PCNX3: variants seen among roughly 807,000 people sequenced by gnomAD.
PCNX3 encodes pecanex 3.
In PCNX3, 58 loss-of-function variants were observed where a neutral mutation model predicts 207.2. That is an observed-to-expected ratio of 0.28 (90% CI 0.23 to 0.35). PCNX3 has a LOEUF of 0.35. Ranked by LOEUF, PCNX3 falls within the 10% of genes least tolerant of loss-of-function variation. The pLI is 1.00. For synonymous variants in PCNX3, 1,337 were observed against 1,183.5 expected (o/e 1.13, Z -2.66); for missense variants, 2,410 against 2,774.4 (o/e 0.87, Z 2.95).
chr11:65,626,241 C>T, intron 20 of PCNX3, 187 bp downstream of exon 20: 1 of 838,046 alleles, frequency 1.2e-6, no homozygotes, highest in South Asian at 1.4e-5. Flanking sequence ...GACTCTTCTC[C>T]TCGTGCCCTG....
At chr11:65,616,768 A>C in intron 1 of PCNX3, 56 bp from the exon 2 acceptor site, 1 of 1,553,798 alleles carries the variant, frequency 6.4e-7, no homozygotes, top group Non-Finnish European at 8.8e-7. Context: ...GATGGCAGGT[A>C]CATCCTGTGG....
chr11:65,625,172 C>T lies in PCNX3; in HGVS notation c.2921C>T (p.Thr974Ile). 1.2e-6 allele frequency: 2 copies of T among 1,605,018 alleles called. No homozygotes were observed. The highest frequency in any genetic ancestry group is 1.7e-6 in the Non-Finnish European group (2 of 1,176,356). The part of the protein sequence containing the change: ...LYGFCLGAIK[T>I]PWPEQHVPVL... ...GACCAGCATGGATTCTCTCCGCAGA[C>T]TCCGTGGCCAGAGCAGCACGTCCCT... Residue 974 changes from threonine (T) to isoleucine (I), a missense_variant and splice_region_variant, in exon 17 of 35, where the codon ACT (threonine) becomes ATT (isoleucine). Physicochemically the swap from Thr to Ile is moderately conservative, Grantham distance 89 (BLOSUM62 -1). Coordinates refer to ENST00000355703, the MANE Select transcript of PCNX3 (RefSeq NM_032223.4). This position sits in a 1 kb window ranked among gnomAD's most constrained non-coding sequence, Gnocchi z 5.6.
Position 65,618,579 on chromosome 11 carries a change from G to T in PCNX3, c.1217G>T (p.Arg406Leu), listed in dbSNP as rs758483969. 1 of 1,611,890 alleles carries T rather than the reference G, an allele frequency of 6.2e-7. No individual in the cohort carries two copies. The highest frequency in any genetic ancestry group is 1.1e-5 in the South Asian group (1 of 91,070). The stretch of plus-strand genomic sequence containing the variant: ...CTGCGAAGACACTCTCCACCTGGCC[G>T]TGCCCCTCGACGGCCCCTGCTTGAA... ...PPLRRHSPPG[R>L]APRRPLLEGG... is the part of the protein sequence containing the mutation. The change falls in exon 6 of 35, where the codon CGT (arginine) becomes CTT (leucine). Residue 406 changes from arginine to leucine, a missense_variant. By Grantham distance (102) the Arg-to-Leu change is moderately radical (BLOSUM62 -2). Coordinates refer to ENST00000355703, the MANE Select transcript of PCNX3 (RefSeq NM_032223.4).
At chr11:65,619,995 T>C in intron 8 of PCNX3, 63 bp downstream of exon 8, 1 of 1,495,976 alleles carries the variant, frequency 6.7e-7, no homozygotes, top group East Asian at 2.3e-5. Context: ...GCCTGAGTCC[T>C]CCTAGCAGTG....
intron 11 of PCNX3, among the ~76,000 whole-genome samples, 165 bp from the exon 12 acceptor site, chr11:65,623,326 C>T (rs76771881): frequency 0.06 from 9,122 of 152,258 alleles, 751 homozygotes; most frequent in Admixed American, 0.19. Flanking sequence ...CAGGTGCTGC[C>T]GGGCCGCGTC....
In PCNX3 at chr11:65,624,215, G is replaced by C. The variant is rs901529944; in HGVS notation, c.2565G>C (p.Ala855=). The C allele has an allele frequency of 1.2e-5, 19 of 1,606,804 alleles. No individual in the cohort carries two copies. The East Asian group carries it at 2.0e-4, about 17-fold the overall frequency. The change falls in exon 14 of 35, where the codon GCG becomes GCC. Residue 855 remains alanine (A), a synonymous_variant. Coordinates refer to ENST00000355703, the MANE Select transcript of PCNX3 (RefSeq NM_032223.4). ...CTCAGGGCCACAACTGGGTGATCGC[G>C]TACAGCCGTCCTGTCTACTTCTGCA... ...SPMHGHNWVI[A]YSRPVYFCIC...
At chr11:65,621,398 C>T (rs1654657982) in intron 10 of PCNX3, among the ~76,000 whole-genome samples, 1 of 152,246 alleles carries the variant, frequency 6.6e-6, no homozygotes, top group Admixed American at 6.5e-5. Context: ...AGCGCTCTGT[C>T]ACTCTTAAGA....
At chr11:65,632,030 C>T (rs938785839) in intron 27 of PCNX3, among the ~76,000 whole-genome samples, 5 of 152,132 alleles carry the variant, frequency 3.3e-5, no homozygotes, top group South Asian at 2.1e-4. Context: ...CCCAGGTCAC[C>T]GAGAGGTCAT....
rs1413932532 is a variant in PCNX3 at position 65,618,224 on chromosome 11, G to T, written c.862G>T (p.Gly288Trp). The T allele has an allele frequency of 6.2e-7, 1 of 1,606,106 alleles. No homozygotes were observed. Among genetic ancestry groups the T allele is most frequent in the African/African-American group, 1.3e-5 (1 of 74,498 alleles). Residue 288 changes from glycine (G) to tryptophan (W), a missense_variant, in exon 6 of 35, where the codon GGG becomes TGG. Physicochemically the swap from Gly to Trp is radical, Grantham distance 184 (BLOSUM62 -2). This residue lies in a region of PCNX3 where 1,104 missense variants were observed against 970.3 expected (regional missense o/e 1.14). Transcript: ENST00000355703. Reference sequence around the variant, plus strand: ...TCAGCCCCTTGACCGGCGGGGCTCAGGGGAGCCCACGCCCCAGAAAGCCGG... The same window carrying T: ...TCAGCCCCTTGACCGGCGGGGCTCATGGGAGCCCACGCCCCAGAAAGCCGG... ...GYQPLDRRGSGEPTPQKAGSS... is the reference protein window; with the variant it reads ...GYQPLDRRGSWEPTPQKAGSS...
chr11:65,621,099 GCCCTACTGTGT>G, intron 10 of PCNX3, 133 bp downstream of exon 10: 1 of 1,197,926 alleles, frequency 8.3e-7, no homozygotes. Context: ...CGCTCCAGGG[GCCCTACTGTGT>G]CTGTCCTGAT....
intron 15 of PCNX3, 119 bp from the exon 16 acceptor site, chr11:65,624,806 A>G (rs922649615): frequency 7.3e-6 from 8 of 1,095,262 alleles, no homozygotes; most frequent in Non-Finnish European, 9.1e-6. Context: ...GCAGAGAACA[A>G]TGGGCTGGGG....
At position 65,634,267 on chromosome 11, in the gene PCNX3, T is replaced by C; in HGVS notation, c.4612T>C (p.Tyr1538His). Residue 1538 changes from tyrosine (Y) to histidine (H), a missense_variant, in exon 28 of 35, where the codon TAT becomes CAT. Tyr to His is a moderately conservative substitution (Grantham distance 83, BLOSUM62 2). Coordinates refer to ENST00000355703, the MANE Select transcript of PCNX3 (RefSeq NM_032223.4). ...CTTCTCGCTGAGTGTGGATGAGGAC[T>C]ATGACCTCCGCCTGTCTGGCCTCTC... ...PTFSLSVDED[Y>H]DLRLSGLSLP... The C allele has an allele frequency of 6.2e-7, 1 of 1,612,542 alleles. No homozygotes were observed. The highest frequency in any genetic ancestry group is 8.5e-7 in the Non-Finnish European group (1 of 1,179,558).
chr11:65,617,756 G>A lies in PCNX3; in HGVS notation c.577+50G>A, dbSNP rs114980150. On this transcript the variant is annotated intron_variant, in intron 5 of 34. Transcript: ENST00000355703. ...GCTTGTGGGCTAGACCAGCTGTTTC[G>A]TTGTTGAATCCCCTCAACTTTGGCT... 2,421 of 1,540,160 alleles carry A rather than the reference G, an allele frequency of 1.6e-3. 32 individuals are homozygous for A. In the African/African-American group the frequency reaches 0.03, roughly 19 times the overall value.
chr11:65,621,350 T>C (rs1855087386), intron 10 of PCNX3, among the ~76,000 whole-genome samples: 1 of 152,166 alleles, frequency 6.6e-6, no homozygotes, highest in Non-Finnish European at 1.5e-5. Flanking sequence ...GCTGGGGTGC[T>C]CTCTGTTAAC....
Position 65,625,345 on chromosome 11 carries a change from C to G in PCNX3, c.3030-60C>G, listed in dbSNP as rs1311884471. The stretch of plus-strand genomic sequence containing the variant: ...AGGGGTTTGTGGTCTGTGCATGTGC[C>G]CGTGACTGGGGCCGGGGGGAAGGAG... On this transcript the variant is annotated intron_variant, in intron 17 of 34. Transcript: ENST00000355703. This position sits in a 1 kb window ranked among gnomAD's most constrained non-coding sequence, Gnocchi z 5.6. 15 of 1,593,398 alleles carry G rather than the reference C, an allele frequency of 9.4e-6. No homozygotes were observed. The highest frequency in any genetic ancestry group is 2.7e-5 in the African/African-American group (2 of 74,664).
intron 10 of PCNX3, 36 bp downstream of exon 10, chr11:65,621,002 G>T: frequency 3.3e-6 from 5 of 1,496,826 alleles, no homozygotes; most frequent in Non-Finnish European, 4.5e-6. Flanking sequence ...TGCCAGTGGG[G>T]CGTGACGGGG....
intron 15 of PCNX3, 73 bp from the exon 16 acceptor site, chr11:65,624,852 G>T: frequency 6.9e-7 from 1 of 1,439,800 alleles, no homozygotes; most frequent in South Asian, 1.2e-5. Flanking sequence ...TGGGAGTTGA[G>T]GGGAAGCGCG....
intron 15 of PCNX3, among the ~76,000 whole-genome samples, 158 bp from the exon 16 acceptor site, chr11:65,624,767 G>T (rs1855293346): frequency 6.6e-6 from 1 of 152,206 alleles, no homozygotes; most frequent in African/African-American, 2.4e-5. Context: ...AATCTTGGAA[G>T]CTCTAAAGGC....
In PCNX3 at chr11:65,622,288, G is replaced by A. The variant is rs774873708; in HGVS notation, c.2279G>A (p.Ser760Asn). 3 of 1,601,590 alleles carry A rather than the reference G, an allele frequency of 1.9e-6. No individual in the cohort carries two copies. The highest frequency in any genetic ancestry group is 1.7e-6 in the Non-Finnish European group (2 of 1,174,670). ...MEEAPPRAQH[S>N]YKYWLLPGRW... ...GAAGCGCCACCCCGGGCCCAGCATAGTTACAAGTACTGGCTTCTCCCTGGC... is the reference window on the plus strand; with the variant it reads ...GAAGCGCCACCCCGGGCCCAGCATAATTACAAGTACTGGCTTCTCCCTGGC... The change falls in exon 11 of 35, where the codon AGT becomes AAT. Residue 760 changes from serine to asparagine, a missense_variant. Ser to Asn is a conservative substitution (Grantham distance 46, BLOSUM62 1). Transcript: ENST00000355703.
Sources: gnomAD v4.1 joint callset for allele counts (sites outside exome capture counted in the v4.1 genomes callset) on GRCh38, gnomAD v4.1.1 for gene constraint, gnomAD v4.1.1 regional missense constraint, Gnocchi (gnomAD v3.1) non-coding constraint, MANE v1.5 for transcripts, NCBI Gene and HGNC (gene_info 2026-07-23, HGNC 2026-07-21) for gene names.